ENOX1: variants seen among roughly 807,000 people sequenced by gnomAD.
The protein encoded by ENOX1 is candidate growth-related and time keeping constitutive hydroquinone (NADH) oxidase.
In ENOX1, 42 loss-of-function variants were observed where a neutral mutation model predicts 82.5. The ratio of observed to expected loss-of-function variants is 0.51; its 90% CI spans 0.40 to 0.66. ENOX1 has a LOEUF of 0.66. Ranked by LOEUF, ENOX1 falls within the 30% of genes least tolerant of loss-of-function variation. ENOX1 has a pLI of 0.00. For missense variants in ENOX1, 608 were observed against 811.6 expected (o/e 0.75, Z 3.05); for synonymous variants, 271 against 282.2 (o/e 0.96, Z 0.40).
At position 43,344,750 on chromosome 13, in the gene ENOX1, T is replaced by C; in HGVS notation, c.824A>G (p.Asp275Gly). Residue 275 changes from aspartate (D) to glycine (G), a missense_variant and splice_region_variant, in exon 9 of 17, where the codon GAT (aspartate) becomes GGT (glycine). By Grantham distance (94) the Asp-to-Gly change is moderately conservative. Coordinates refer to ENST00000690772, the MANE Select transcript of ENOX1 (RefSeq NM_001347969.2). ...GATAGCCTCTGAAAACTTGCTATCA[T>C]CTGGAAATGGAAAACCACCAAGTAC... ...EAALLAEKLK[D>G]DSKFSEAITV... 1 of 1,613,534 alleles carries C rather than the reference T, an allele frequency of 6.2e-7. No homozygotes were observed. Among genetic ancestry groups the C allele is most frequent in the Non-Finnish European group, 8.5e-7 (1 of 1,179,648 alleles).
chr13:43,475,966 C>A (rs1370357772), intron 3 of ENOX1, among the ~76,000 whole-genome samples: 1 of 152,026 alleles, frequency 6.6e-6, no homozygotes, highest in Non-Finnish European at 1.5e-5. Flanking sequence ...ATTTTAATAA[C>A]TCTTGGGAAT....
intron 9 of ENOX1, among the ~76,000 whole-genome samples, chr13:43,339,896 T>A (rs1333242634): frequency 6.6e-6 from 1 of 152,194 alleles, no homozygotes; most frequent in East Asian, 1.9e-4. Context: ...ACAAATGGGG[T>A]GTGACTGGTT....
At chr13:43,301,482 A>T (rs1566459659) in intron 11 of ENOX1, among the ~76,000 whole-genome samples, 1 of 151,968 alleles carries the variant, frequency 6.6e-6, no homozygotes, top group Non-Finnish European at 1.5e-5. Context: ...CCAAGTGACT[A>T]CAGTGCCTGC....
At chr13:43,657,357 A>G (rs1317975428) in intron 2 of ENOX1, among the ~76,000 whole-genome samples, 3 of 152,148 alleles carry the variant, frequency 2.0e-5, no homozygotes, top group African/African-American at 7.2e-5. Context: ...TTGGCTCACT[A>G]TTGTGCAAAG....
chr13:43,369,768 C>T (rs1451514028), intron 5 of ENOX1, among the ~76,000 whole-genome samples: 2 of 152,240 alleles, frequency 1.3e-5, no homozygotes, highest in African/African-American at 4.8e-5. Flanking sequence ...CCTGTTCCTT[C>T]TAATTCACCA....
intron 5 of ENOX1, among the ~76,000 whole-genome samples, chr13:43,388,519 C>T (rs764664437): frequency 6.6e-6 from 1 of 152,168 alleles, no homozygotes; most frequent in Non-Finnish European, 1.5e-5. Flanking sequence ...TAGGAAGTGT[C>T]TCTGCTCATA....
intron 9 of ENOX1, among the ~76,000 whole-genome samples, chr13:43,330,743 C>T (rs770782552): frequency 1.4e-4 from 21 of 152,108 alleles, no homozygotes; most frequent in African/African-American, 4.6e-4. Flanking sequence ...ATAAACAGAG[C>T]CTTGATGAAG....
chr13:43,601,668 C>T lies in ENOX1; in HGVS notation c.-219+65811G>A, dbSNP rs182608794. ...GATAATAACACAGAACTTTCCAAAC[C>T]TAAAGAAAGATATCAATATTCAAGT... On this transcript the variant is annotated intron_variant, in intron 2 of 16. Transcript: ENST00000690772. Among the ~76,000 whole-genome samples, 32 of 152,116 alleles carry T rather than the reference C, an allele frequency of 2.1e-4. No homozygotes were observed. The East Asian group carries it at 3.3e-3, about 16-fold the overall frequency.
intron 16 of ENOX1, among the ~76,000 whole-genome samples, chr13:43,216,867 GGGCAGT>G (rs2041515813): frequency 6.6e-6 from 1 of 152,118 alleles, no homozygotes; most frequent in Non-Finnish European, 1.5e-5. Flanking sequence ...GGGTCAGAAG[GGGCAGT>G]GCCACCCAGC....
chr13:43,328,686 T>C (rs908143890), intron 9 of ENOX1, among the ~76,000 whole-genome samples: 3 of 152,116 alleles, frequency 2.0e-5, no homozygotes, highest in African/African-American at 7.2e-5. Context: ...AATGGCCCAA[T>C]AGTGCACAGG....
intron 12 of ENOX1, among the ~76,000 whole-genome samples, chr13:43,274,913 A>G (rs1214558194): frequency 6.6e-6 from 1 of 152,236 alleles, no homozygotes; most frequent in African/African-American, 2.4e-5. Context: ...GAGCATTACA[A>G]ATGTTATTTG....
At chr13:43,275,847 C>T (rs1422210480) in intron 12 of ENOX1, among the ~76,000 whole-genome samples, 1 of 152,130 alleles carries the variant, frequency 6.6e-6, no homozygotes, top group South Asian at 2.1e-4. Flanking sequence ...CAGGACAATA[C>T]AAAGGACTCT....
intron 5 of ENOX1, among the ~76,000 whole-genome samples, chr13:43,362,570 C>T (rs2153561176): frequency 6.6e-6 from 1 of 152,280 alleles, no homozygotes; most frequent in Admixed American, 6.5e-5. Context: ...CCGACAACCC[C>T]TTTGTACAGT....
intron 3 of ENOX1, among the ~76,000 whole-genome samples, chr13:43,440,668 G>T (rs185495058): frequency 6.6e-6 from 1 of 152,080 alleles, no homozygotes; most frequent in African/African-American, 2.4e-5. Context: ...AACCTTAGAT[G>T]AATGCCTAAA....
At chr13:43,575,595 T>C (rs2080387047) in intron 2 of ENOX1, among the ~76,000 whole-genome samples, 1 of 152,196 alleles carries the variant, frequency 6.6e-6, no homozygotes, top group Non-Finnish European at 1.5e-5. Flanking sequence ...CTTAAAATCT[T>C]CTCAAGAGGA....
chr13:43,432,323 G>A (rs2055721998), intron 3 of ENOX1, among the ~76,000 whole-genome samples: 2 of 152,200 alleles, frequency 1.3e-5, no homozygotes, highest in Non-Finnish European at 2.9e-5. Context: ...ATCGCCAGAA[G>A]TTATGATTTT....
intron 3 of ENOX1, among the ~76,000 whole-genome samples, chr13:43,454,438 G>T (rs2057124323): frequency 1.3e-5 from 2 of 152,048 alleles, no homozygotes; most frequent in South Asian, 4.1e-4. Flanking sequence ...ATTTCACCAT[G>T]GGAGAGGAAA....
At chr13:43,527,470 G>A (rs2078036529) in intron 2 of ENOX1, among the ~76,000 whole-genome samples, 1 of 152,036 alleles carries the variant, frequency 6.6e-6, no homozygotes, top group Non-Finnish European at 1.5e-5. Flanking sequence ...ACTAGAATAT[G>A]CTACTTAGGG....
At chr13:43,649,979 G>T (rs2084081603) in intron 2 of ENOX1, among the ~76,000 whole-genome samples, 1 of 152,108 alleles carries the variant, frequency 6.6e-6, no homozygotes, top group Non-Finnish European at 1.5e-5. Context: ...CTACTCTCTT[G>T]AACTTTTCCT....
Sources: allele counts gnomAD v4.1 joint callset (sites outside exome capture counted in the v4.1 genomes callset), GRCh38; gene constraint gnomAD v4.1.1; transcripts MANE v1.5; gene names NCBI Gene and HGNC (gene_info 2026-07-23, HGNC 2026-07-21).